The following ANK3 variants were observed in gnomAD, a reference collection of about 807,000 sequenced individuals.
ANK3 encodes ankyrin-3.
ANK3 carries 57 observed loss-of-function variants against 370.9 expected under a neutral mutation model. The observed-to-expected ratio is 0.15, with a 90% CI of 0.12 to 0.19. The LOEUF (loss-of-function observed/expected upper bound fraction) is 0.19. Among genes scored for constraint, ANK3 ranks in the 10% least tolerant of loss-of-function variants. The pLI, the probability that ANK3 is intolerant of heterozygous loss-of-function variation, is 1.00. For synonymous variants in ANK3, 1,929 were observed against 1,946.3 expected (o/e 0.99, Z 0.23); for missense variants, 4,439 against 5,302.1 (o/e 0.84, Z 5.06).
At chr10:60,465,783 TTC>T (rs376642671) in intron 2 of ANK3, among the ~76,000 whole-genome samples, 3,338 of 149,560 alleles carry the variant, frequency 0.022, 48 homozygotes, top group Middle Eastern at 0.048. Flanking sequence ...TTTCTTTTTT[TTC>T]TTTCTTTTTT....
intron 2 of ANK3, among the ~76,000 whole-genome samples, chr10:60,491,000 T>C (rs758401689): frequency 1.3e-5 from 2 of 152,220 alleles, no homozygotes; most frequent in Non-Finnish European, 2.9e-5. Context: ...ACTTTGCCTG[T>C]ACTGCAACTT....
chr10:60,271,653 A>T (rs2097987914), intron 4 of ANK3, among the ~76,000 whole-genome samples: 1 of 152,168 alleles, frequency 6.6e-6, no homozygotes, highest in Non-Finnish European at 1.5e-5. Context: ...ACCTTTTGTG[A>T]TTCAAAAAGT....
chr10:60,431,516 A>T (rs546212516), intron 2 of ANK3, among the ~76,000 whole-genome samples: 2 of 152,142 alleles, frequency 1.3e-5, no homozygotes, highest in South Asian at 2.1e-4. Flanking sequence ...GGGAATAAGG[A>T]CCCCCGAAGT....
At chr10:60,662,385 C>CTAA (rs1464131505) in intron 1 of ANK3, among the ~76,000 whole-genome samples, 2 of 152,038 alleles carry the variant, frequency 1.3e-5, no homozygotes, top group Non-Finnish European at 2.9e-5. Context: ...ATGAATTCAA[C>CTAA]TAATACTTTG....
At chr10:60,310,829 T>A (rs1264375985) in intron 1 of ANK3, among the ~76,000 whole-genome samples, 1 of 152,232 alleles carries the variant, frequency 6.6e-6, no homozygotes, top group Non-Finnish European at 1.5e-5. Flanking sequence ...TCATCACTCC[T>A]CTCTGCAATG....
intron 1 of ANK3, among the ~76,000 whole-genome samples, chr10:60,701,031 G>A (rs1441418825): frequency 6.6e-6 from 1 of 151,914 alleles, no homozygotes; most frequent in East Asian, 1.9e-4. Flanking sequence ...CACAAATGAA[G>A]GGATTATTTG....
chr10:60,362,646 G>T (rs907570827), intron 1 of ANK3, among the ~76,000 whole-genome samples: 2 of 152,170 alleles, frequency 1.3e-5, no homozygotes, highest in African/African-American at 4.8e-5. Context: ...GACAAGGATG[G>T]AATGTCAGGT....
intron 2 of ANK3, among the ~76,000 whole-genome samples, chr10:60,442,207 T>C (rs1488544237): frequency 4.0e-5 from 6 of 151,582 alleles, no homozygotes; most frequent in Non-Finnish European, 7.4e-5. Flanking sequence ...GCAATTCTCC[T>C]GTCTCGGCCT....
chr10:60,706,605 C>T (rs867520536), intron 1 of ANK3, among the ~76,000 whole-genome samples: 10 of 152,040 alleles, frequency 6.6e-5, no homozygotes, highest in African/African-American at 1.7e-4. Flanking sequence ...ACTGTTGAGT[C>T]GCTTTTTTGT....
intron 5 of ANK3, among the ~76,000 whole-genome samples, chr10:60,268,310 A>T (rs1035411660): frequency 7.2e-5 from 11 of 152,234 alleles, no homozygotes; most frequent in African/African-American, 2.7e-4. Context: ...ATGTATAAAA[A>T]TTCCCAACAG....
In ANK3 at chr10:60,587,914, T is replaced by A. The variant is rs1417913850; in HGVS notation, c.96+27272A>T. Among the ~76,000 whole-genome samples, 5 of 152,166 alleles carry A rather than the reference T, an allele frequency of 3.3e-5. No homozygotes were observed. In the East Asian group the frequency reaches 5.8e-4, roughly 18 times the overall value. On this transcript the variant is annotated intron_variant, in intron 2 of 43. Transcript: ENST00000373827. The stretch of plus-strand genomic sequence containing the variant: ...AGTTTTAGAATTTTTGTGATCCTAA[T>A]GAAATGATGGATCAAAGCAATCATC...
intron 2 of ANK3, among the ~76,000 whole-genome samples, chr10:60,446,260 G>A (rs952667895): frequency 5.9e-5 from 9 of 152,192 alleles, no homozygotes; most frequent in South Asian, 4.2e-4. Flanking sequence ...TACCTCCTCC[G>A]TCACATTGGA....
upstream of ANK3, among the ~76,000 whole-genome samples, chr10:60,393,294 G>A (rs888542272): frequency 2.6e-5 from 4 of 152,136 alleles, no homozygotes; most frequent in Admixed American, 1.3e-4. Flanking sequence ...CTGCCCCAAA[G>A]AGTCTCAGTG....
chr10:60,168,182 C>T (rs1448079906), intron 21 of ANK3, among the ~76,000 whole-genome samples: 2 of 152,130 alleles, frequency 1.3e-5, no homozygotes, highest in African/African-American at 2.4e-5. Flanking sequence ...TGCATGGCCA[C>T]GCCCAGCTAA....
chr10:60,450,906 G>A (rs1381215141), intron 2 of ANK3, among the ~76,000 whole-genome samples: 7 of 142,988 alleles, frequency 4.9e-5, no homozygotes, highest in Non-Finnish European at 3.1e-5. Flanking sequence ...CCCTCCAAAA[G>A]ATCTGTCCAC....
chr10:60,693,717 C>T (rs2079395435), intron 1 of ANK3, among the ~76,000 whole-genome samples: 1 of 152,120 alleles, frequency 6.6e-6, no homozygotes, highest in South Asian at 2.1e-4. Context: ...AACTAACAAA[C>T]AGAAAGGACA....
chr10:60,282,695 G>T lies in ANK3; in HGVS notation c.115-3056C>A, dbSNP rs185207839. Among the ~76,000 whole-genome samples the T allele has an allele frequency of 2.9e-3, 435 of 152,174 alleles. 3 individuals carry two copies. The highest frequency in any genetic ancestry group is 0.028 in the South Asian group (134 of 4,808). On this transcript the variant is annotated intron_variant, in intron 1 of 43. Coordinates refer to ENST00000280772, the MANE Select transcript of ANK3 (RefSeq NM_020987.5). ...TGACCCTGATATCAAACAATTCTCT[G>T]AGATAGCTAATTGACCACCTCAGAA...
intron 4 of ANK3, among the ~76,000 whole-genome samples, chr10:60,273,754 C>T (rs1273208938): frequency 6.6e-6 from 1 of 152,174 alleles, no homozygotes; most frequent in Non-Finnish European, 1.5e-5. Flanking sequence ...TTCCCCCACA[C>T]TGTTCTTGTG....
In ANK3 at chr10:60,036,422, A is replaced by AT. The variant is rs563946588; in HGVS notation, c.*19+6249dup. Among the ~76,000 whole-genome samples the AT allele has an allele frequency of 7.7e-3, 557 of 72,240 alleles. 79 individuals are homozygous for AT. The highest frequency in any genetic ancestry group is 0.029 in the East Asian group (62 of 2,122). The allele number at this position is 72,240 out of a possible 152,430, so 47.4% of individuals were successfully genotyped here. A position where few individuals can be genotyped will look rare whatever the true frequency, so the allele number is the denominator to read the frequency against. On this transcript the variant is annotated intron_variant, in intron 43 of 43. Transcript: ENST00000280772. ...CTGCGGAAGAGAGAGGTCAGAGGCAATTTTTTTTTTTTTTTTTTTTTTTTT... is the reference window on the plus strand; with the variant it reads ...CTGCGGAAGAGAGAGGTCAGAGGCAATTTTTTTTTTTTTTTTTTTTTTTTTT...
Sources: gnomAD v4.1 joint callset for allele counts (sites outside exome capture counted in the v4.1 genomes callset) on GRCh38, gnomAD v4.1.1 for gene constraint, MANE v1.5 for transcripts, NCBI Gene and HGNC (gene_info 2026-07-23, HGNC 2026-07-21) for gene names.